The following KHDRBS2 variants were observed in gnomAD, a reference collection of about 807,000 sequenced individuals.
KHDRBS2 encodes KH domain-containing, RNA-binding, signal transduction-associated protein 2.
Under a neutral mutation model 44.3 loss-of-function variants are expected in KHDRBS2, and 26 were observed. The ratio of observed to expected loss-of-function variants is 0.59; its 90% CI spans 0.43 to 0.81. The LOEUF (loss-of-function observed/expected upper bound fraction) is 0.81. Ranked by LOEUF, KHDRBS2 falls within the 40% of genes least tolerant of loss-of-function variation. The pLI is 0.00. For synonymous variants in KHDRBS2, 194 were observed against 151.1 expected, an observed-to-expected ratio of 1.28 and a Z score of -2.08; for missense variants, 476 against 433.1, an observed-to-expected ratio of 1.10 and a Z score of -0.88.
chr6:61,946,323 T>C (rs1240641838), intron 4 of KHDRBS2, among the ~76,000 whole-genome samples: 2 of 152,194 alleles, frequency 1.3e-5, no homozygotes, highest in Non-Finnish European at 2.9e-5. Context: ...CAAAACCACC[T>C]CTTAAAAATT....
chr6:61,808,385 T>C (rs1361478834), intron 6 of KHDRBS2, among the ~76,000 whole-genome samples: 1 of 152,148 alleles, frequency 6.6e-6, no homozygotes, highest in Non-Finnish European at 1.5e-5. Context: ...TTTTATATGT[T>C]AGGTTATAAA....
intron 6 of KHDRBS2, among the ~76,000 whole-genome samples, chr6:61,819,436 A>G (rs1033186092): frequency 6.6e-6 from 1 of 152,054 alleles, no homozygotes; most frequent in Non-Finnish European, 1.5e-5. Context: ...TTCCTGAGAG[A>G]CATACACAGT....
chr6:62,051,897 T>C (rs1789149622), intron 2 of KHDRBS2, among the ~76,000 whole-genome samples: 1 of 151,996 alleles, frequency 6.6e-6, no homozygotes, highest in Admixed American at 6.6e-5. Context: ...TCATTAATCA[T>C]CAAGAAAATG....
intron 2 of KHDRBS2, among the ~76,000 whole-genome samples, chr6:62,164,197 G>A (rs542283009): frequency 1.3e-5 from 2 of 151,866 alleles, no homozygotes; most frequent in East Asian, 3.9e-4. Context: ...AAGGCAACAG[G>A]CTGTAAACTT....
At chr6:62,258,618 CAT>C (rs922036198) in intron 1 of KHDRBS2, among the ~76,000 whole-genome samples, 2 of 151,884 alleles carry the variant, frequency 1.3e-5, no homozygotes, top group African/African-American at 2.4e-5. Flanking sequence ...ATTATTAAAA[CAT>C]ATAAAATAAC....
At chr6:62,162,089 T>C (rs1010361481) in intron 2 of KHDRBS2, among the ~76,000 whole-genome samples, 2 of 152,052 alleles carry the variant, frequency 1.3e-5, no homozygotes, top group African/African-American at 4.8e-5. Flanking sequence ...GTCTCTCAAA[T>C]CTGTAGAAAA....
At chr6:61,550,528 G>A in the KHDRBS2 span, among the ~76,000 whole-genome samples, 460 of 152,226 alleles carry the variant, frequency 3.0e-3, 4 homozygotes, top group African/African-American at 0.011. Flanking sequence ...ATGGTAGAAT[G>A]ATTTATTTTG....
At chr6:61,901,547 C>T (rs1804044667) in intron 4 of KHDRBS2, among the ~76,000 whole-genome samples, 176 bp from the exon 5 acceptor site, 1 of 151,742 alleles carries the variant, frequency 6.6e-6, no homozygotes, top group South Asian at 2.1e-4. Flanking sequence ...ACTTTAAATT[C>T]CTATTTTTAT....
intron 6 of KHDRBS2, among the ~76,000 whole-genome samples, chr6:61,813,803 G>A (rs1032711237): frequency 6.6e-6 from 1 of 152,002 alleles, no homozygotes; most frequent in African/African-American, 2.4e-5. Flanking sequence ...ACTAGATAGT[G>A]GTTAATTATA....
chr6:62,029,150 A>G (rs953134390), intron 3 of KHDRBS2, among the ~76,000 whole-genome samples: 1 of 152,044 alleles, frequency 6.6e-6, no homozygotes, highest in Non-Finnish European at 1.5e-5. Context: ...AAATTTTTAT[A>G]TAACAATTAT....
the KHDRBS2 span, among the ~76,000 whole-genome samples, chr6:61,627,369 T>C: frequency 8.6e-5 from 13 of 151,898 alleles, no homozygotes; most frequent in Non-Finnish European, 1.8e-4. Flanking sequence ...TTGTTATTTA[T>C]GGTTTATTAG....
chr6:62,139,755 A>C (rs1377648924), intron 2 of KHDRBS2, among the ~76,000 whole-genome samples: 2 of 152,136 alleles, frequency 1.3e-5, no homozygotes, highest in Non-Finnish European at 2.9e-5. Context: ...ATTGACTTTT[A>C]ACGATTATGC....
chr6:61,971,275 G>C (rs1771350619), intron 4 of KHDRBS2, among the ~76,000 whole-genome samples: 1 of 151,904 alleles, frequency 6.6e-6, no homozygotes, highest in Non-Finnish European at 1.5e-5. Context: ...TTATATTTTT[G>C]GTACAATAGG....
chr6:61,846,784 C>T (rs1424012922), intron 6 of KHDRBS2, among the ~76,000 whole-genome samples: 1 of 149,682 alleles, frequency 6.7e-6, no homozygotes, highest in Admixed American at 6.7e-5. Context: ...CTTGTAAGTA[C>T]ATATATATAT....
chr6:61,610,912 TG>T, the KHDRBS2 span, among the ~76,000 whole-genome samples: 1 of 152,156 alleles, frequency 6.6e-6, no homozygotes, highest in Admixed American at 6.5e-5. Context: ...CCTATTAACA[TG>T]CTAAGGACCA....
intron 1 of KHDRBS2, among the ~76,000 whole-genome samples, chr6:62,229,316 T>G (rs1252723732): frequency 6.6e-6 from 1 of 152,088 alleles, no homozygotes; most frequent in East Asian, 1.9e-4. Flanking sequence ...CGTTGAGCTG[T>G]GGGGGATAGA....
intron 3 of KHDRBS2, among the ~76,000 whole-genome samples, chr6:61,990,653 C>T (rs970082316): frequency 2.0e-5 from 3 of 151,886 alleles, no homozygotes; most frequent in African/African-American, 7.3e-5. Context: ...CTGAGTACTT[C>T]ACACACATAA....
At chr6:61,655,561 C>A in the KHDRBS2 span, among the ~76,000 whole-genome samples, 2 of 151,952 alleles carry the variant, frequency 1.3e-5, no homozygotes, top group South Asian at 4.1e-4. Context: ...TGCCTAAATA[C>A]GTATTTTTAA....
At chr6:61,557,167 C>A in the KHDRBS2 span, among the ~76,000 whole-genome samples, 11 of 151,978 alleles carry the variant, frequency 7.2e-5, no homozygotes, top group African/African-American at 2.4e-4. Context: ...CACTAGTGCA[C>A]CAGCACAGGA....
Sources: gnomAD v4.1 joint callset for allele counts (sites outside exome capture counted in the v4.1 genomes callset) on GRCh38, gnomAD v4.1.1 for gene constraint, MANE v1.5 for transcripts, NCBI Gene and HGNC (gene_info 2026-07-23, HGNC 2026-07-21) for gene names.